Variants in ROR2 observed in about 807,000 individuals in gnomAD.
The protein encoded by ROR2 is tyrosine-protein kinase transmembrane receptor ROR2.
Under a neutral mutation model 74.9 loss-of-function variants are expected in ROR2, and 33 were observed. That is an observed-to-expected ratio of 0.44 (90% CI 0.33 to 0.59). ROR2 has a LOEUF of 0.59. ROR2 is among the 20% of genes least tolerant of loss of function. ROR2 has a pLI of 0.02. For synonymous variants in ROR2, 586 were observed against 558.7 expected (o/e 1.05, Z -0.69); for missense variants, 1,216 against 1,313.8 (o/e 0.93, Z 1.15).
intron 6 of ROR2, 106 bp from the exon 7 acceptor site, chr9:91,731,261 C>G: frequency 1.0e-5 from 16 of 1,525,638 alleles, no homozygotes; most frequent in Non-Finnish European, 1.4e-5. Context: ...TTTTACATAA[C>G]TTACCAGAAA....
At chr9:91,910,668 CT>C (rs59785963) in intron 1 of ROR2, among the ~76,000 whole-genome samples, 21,059 of 146,838 alleles carry the variant, frequency 0.14, 3,123 homozygotes, top group African/African-American at 0.38. Flanking sequence ...ATATGTAATA[CT>C]TTTTTTTTTT....
At chr9:91,736,897 C>T (rs1387128441) in intron 5 of ROR2, among the ~76,000 whole-genome samples, 1 of 152,158 alleles carries the variant, frequency 6.6e-6, no homozygotes, top group South Asian at 2.1e-4. Context: ...GTGTTCACTG[C>T]AGCATCCCTA....
intron 1 of ROR2, among the ~76,000 whole-genome samples, chr9:91,779,884 T>C (rs200201111): frequency 1.3e-5 from 2 of 152,246 alleles, no homozygotes; most frequent in East Asian, 3.8e-4. Context: ...GGAATTGTCA[T>C]TGGCATGGAG....
intron 1 of ROR2, among the ~76,000 whole-genome samples, chr9:91,934,407 C>T (rs1161774539): frequency 3.3e-5 from 5 of 152,136 alleles, no homozygotes; most frequent in Admixed American, 1.3e-4. Flanking sequence ...GAATTATGAA[C>T]AAATAATTGG....
At chr9:91,891,064 G>A (rs1390851993) in intron 1 of ROR2, among the ~76,000 whole-genome samples, 1 of 152,090 alleles carries the variant, frequency 6.6e-6, no homozygotes, top group Non-Finnish European at 1.5e-5. Flanking sequence ...AGTGTTCAGA[G>A]GGCATCTGTA....
intron 2 of ROR2, 116 bp from the exon 3 acceptor site, chr9:91,757,675 T>A: frequency 9.2e-7 from 1 of 1,092,024 alleles, no homozygotes; most frequent in Non-Finnish European, 1.4e-6. Context: ...TGTCACCTAC[T>A]AAAATAGGTT....
intron 1 of ROR2, among the ~76,000 whole-genome samples, chr9:91,801,136 G>C (rs570603992): frequency 2.0e-5 from 3 of 152,174 alleles, no homozygotes; most frequent in African/African-American, 7.2e-5. Context: ...AAAGCATGGA[G>C]GAGTTTAATT....
Position 91,788,875 on chromosome 9 carries a change from A to G in ROR2, c.98-13057T>C, listed in dbSNP as rs934547093. Among the ~76,000 whole-genome samples the G allele has an allele frequency of 2.6e-5, 4 of 152,062 alleles. No individual in the cohort carries two copies. The East Asian group carries it at 7.7e-4, about 29-fold the overall frequency. ...GACTCTGTCTCAAAAAAAAAAAAAA[A>G]AAAATCAATATCCAGCCAAACTCTT... On this transcript the variant is annotated intron_variant, in intron 1 of 8. Coordinates refer to ENST00000375708, the MANE Select transcript of ROR2 (RefSeq NM_004560.4).
intron 1 of ROR2, among the ~76,000 whole-genome samples, chr9:91,837,287 T>C (rs1828639452): frequency 6.6e-6 from 1 of 152,216 alleles, no homozygotes; most frequent in African/African-American, 2.4e-5. Context: ...TTAGCCAGGA[T>C]GGTCTTGATC....
chr9:91,848,370 T>C (rs1563997243), intron 1 of ROR2, among the ~76,000 whole-genome samples: 2 of 152,230 alleles, frequency 1.3e-5, no homozygotes, highest in African/African-American at 2.4e-5. Context: ...TCCACCCATC[T>C]GGAGGCAGGG....
intron 1 of ROR2, among the ~76,000 whole-genome samples, chr9:91,867,851 G>A (rs541716381): frequency 2.0e-5 from 3 of 152,100 alleles, no homozygotes; most frequent in Admixed American, 6.5e-5. Flanking sequence ...CTGCAAACAC[G>A]GAAGGCTGTT....
chr9:91,803,271 C>T (rs979734062), intron 1 of ROR2, among the ~76,000 whole-genome samples: 37 of 152,156 alleles, frequency 2.4e-4, no homozygotes, highest in Non-Finnish European at 5.3e-4. Flanking sequence ...CAGGGATGAA[C>T]CTTGAGGACA....
intron 1 of ROR2, among the ~76,000 whole-genome samples, chr9:91,854,662 C>T (rs542208566): frequency 3.3e-5 from 5 of 152,284 alleles, no homozygotes; most frequent in African/African-American, 1.2e-4. Context: ...AATCTCAGGG[C>T]CCTGGAGTCT....
intron 1 of ROR2, among the ~76,000 whole-genome samples, chr9:91,828,462 C>A (rs1180581487): frequency 6.6e-6 from 1 of 152,086 alleles, no homozygotes; most frequent in East Asian, 1.9e-4. Flanking sequence ...ACCTGTAATC[C>A]CAGCACTTTG....
At chr9:91,736,408 C>T (rs560440836) in intron 5 of ROR2, among the ~76,000 whole-genome samples, 1 of 152,328 alleles carries the variant, frequency 6.6e-6, no homozygotes, top group Admixed American at 6.5e-5. Flanking sequence ...CTTAACAGGT[C>T]AGTGCCCTGT....
intron 1 of ROR2, among the ~76,000 whole-genome samples, chr9:91,915,253 T>C (rs903885497): frequency 6.6e-6 from 1 of 152,246 alleles, no homozygotes; most frequent in African/African-American, 2.4e-5. Flanking sequence ...GCGGCTCCCA[T>C]AGACACCAAC....
At chr9:91,830,819 T>TGTCC (rs1360526707) in intron 1 of ROR2, among the ~76,000 whole-genome samples, 5 of 147,110 alleles carry the variant, frequency 3.4e-5, no homozygotes, top group African/African-American at 1.3e-4. Flanking sequence ...CGTGTGTGTG[T>TGTCC]GTGTGTGTGT....
intron 1 of ROR2, among the ~76,000 whole-genome samples, chr9:91,937,547 C>A (rs1246970386): frequency 6.6e-6 from 1 of 152,078 alleles, no homozygotes; most frequent in Non-Finnish European, 1.5e-5. Flanking sequence ...CAGAGCCAGA[C>A]AAAGGATTCT....
At chr9:91,755,012 G>A (rs1439864681) in intron 4 of ROR2, among the ~76,000 whole-genome samples, 1 of 152,112 alleles carries the variant, frequency 6.6e-6, no homozygotes, top group Non-Finnish European at 1.5e-5. Context: ...AATTATCCGG[G>A]TGTGTGGTGG....
Sources: allele counts gnomAD v4.1 joint callset (sites outside exome capture counted in the v4.1 genomes callset), GRCh38; gene constraint gnomAD v4.1.1; transcripts MANE v1.5; gene names NCBI Gene and HGNC (gene_info 2026-07-23, HGNC 2026-07-21).